Variants in BRMS1L observed in about 807,000 individuals in gnomAD.
BRMS1L encodes breast cancer metastasis-suppressor 1-like protein.
BRMS1L carries 23 observed loss-of-function variants against 50.3 expected under a neutral mutation model. That is an observed-to-expected ratio of 0.46 (90% CI 0.33 to 0.65). BRMS1L has a LOEUF of 0.65. Among genes scored for constraint, BRMS1L ranks in the 30% least tolerant of loss-of-function variants. The pLI is 0.02. For missense variants in BRMS1L, 286 were observed against 386.1 expected, an observed-to-expected ratio of 0.74 and a Z score of 2.17; for synonymous variants, 114 against 126.9, an observed-to-expected ratio of 0.90 and a Z score of 0.69.
intron 9 of BRMS1L, among the ~76,000 whole-genome samples, chr14:35,870,056 G>T (rs2078469849): frequency 7.3e-6 from 1 of 136,364 alleles, no homozygotes; most frequent in African/African-American, 2.7e-5. Context: ...TTTAGCTCCA[G>T]TTTTTTTTTT....
At chr14:35,838,281 C>G (rs1191203640) in intron 4 of BRMS1L, among the ~76,000 whole-genome samples, 1 of 152,138 alleles carries the variant, frequency 6.6e-6, no homozygotes, top group Non-Finnish European at 1.5e-5. Flanking sequence ...CATTGATAGA[C>G]ATTTGGGTTG....
intron 4 of BRMS1L, among the ~76,000 whole-genome samples, chr14:35,835,733 T>A (rs2077983404): frequency 6.6e-6 from 1 of 152,116 alleles, no homozygotes; most frequent in African/African-American, 2.4e-5. Flanking sequence ...TAGTCCTAGC[T>A]ACTCAGGAGG....
At chr14:35,834,257 A>G (rs946936657) in intron 3 of BRMS1L, among the ~76,000 whole-genome samples, 1 of 152,106 alleles carries the variant, frequency 6.6e-6, no homozygotes, top group African/African-American at 2.4e-5. Flanking sequence ...CATGTTACCT[A>G]TTTTATACTA....
rs1169023 is a variant in BRMS1L, at chr14:35,826,808, T to A, written c.142+150T>A. On this transcript the variant is annotated intron_variant, in intron 1 of 9. Transcript: ENST00000216807. ...TGGCTCTGGGCCCTGGGCTGCACCC[T>A]GACCGGTCGCTGGGCGCTGTCTGGC... 6.0e-6 allele frequency: 7 copies of A among 1,163,682 alleles called. No individual in the cohort carries two copies. The South Asian group carries it at 9.8e-5, about 16-fold the overall frequency. 72.1% of individuals were successfully genotyped at this position (1,163,682 alleles called of 1,614,324 possible).
In BRMS1L at chr14:35,847,223, C is replaced by T. The variant is rs2078147373; in HGVS notation, c.441+12300C>T. On this transcript the variant is annotated intron_variant, in intron 4 of 9. Coordinates refer to ENST00000216807, the MANE Select transcript of BRMS1L (RefSeq NM_032352.4). ...CGAACTCCTGGGCTCAAGCGATCTG[C>T]CACCTTGGCCTCCCAAAGTCCTCAA... Among the ~76,000 whole-genome samples the T allele has an allele frequency of 3.3e-5, 5 of 152,272 alleles. No individual in the cohort carries two copies. In the South Asian group the frequency reaches 1.0e-3, roughly 32 times the overall value.
chr14:35,854,542 C>T (rs180811573), intron 4 of BRMS1L, among the ~76,000 whole-genome samples: 56 of 152,168 alleles, frequency 3.7e-4, no homozygotes, highest in African/African-American at 1.3e-3. Context: ...TTTGTGAACT[C>T]GTATTTTCCT....
intron 4 of BRMS1L, among the ~76,000 whole-genome samples, chr14:35,860,730 A>G (rs2078339580): frequency 6.6e-6 from 1 of 152,306 alleles, no homozygotes; most frequent in Non-Finnish European, 1.5e-5. Flanking sequence ...TTGGTTCTGA[A>G]TACAGGTCAG....
chr14:35,841,263 A>G (rs1595664533), intron 4 of BRMS1L, among the ~76,000 whole-genome samples: 1 of 152,024 alleles, frequency 6.6e-6, no homozygotes, highest in East Asian at 1.9e-4. Context: ...TTTACTTCCA[A>G]TTATGTGGTC....
chr14:35,840,633 C>T (rs2078051332), intron 4 of BRMS1L, among the ~76,000 whole-genome samples: 1 of 152,154 alleles, frequency 6.6e-6, no homozygotes, highest in Non-Finnish European at 1.5e-5. Flanking sequence ...TCCATTTCTT[C>T]TAGATTTTCT....
At chr14:35,867,595 T>C (rs796123397) in intron 8 of BRMS1L, among the ~76,000 whole-genome samples, 5 of 152,366 alleles carry the variant, frequency 3.3e-5, no homozygotes, top group African/African-American at 9.6e-5. Flanking sequence ...GCAATTGATA[T>C]TTTAAATACT....
intron 1 of BRMS1L, chr14:35,829,917 A>G (rs2077896022): frequency 1.6e-5 from 16 of 1,002,982 alleles, no homozygotes; most frequent in Non-Finnish European, 2.0e-5. Flanking sequence ...GGTAATTAAC[A>G]GTTGCTTTCC....
chr14:35,841,463 A>G (rs937036331), intron 4 of BRMS1L, among the ~76,000 whole-genome samples: 2 of 151,814 alleles, frequency 1.3e-5, no homozygotes. Context: ...CACGCCAGCT[A>G]ATCTTTTGTA....
At chr14:35,852,241 C>G (rs919369288) in intron 4 of BRMS1L, among the ~76,000 whole-genome samples, 2 of 152,206 alleles carry the variant, frequency 1.3e-5, no homozygotes, top group African/African-American at 4.8e-5. Context: ...ATGTCTTGCT[C>G]TATCACTTAG....
intron 9 of BRMS1L, 93 bp downstream of exon 9, chr14:35,868,125 T>C (rs2078444925): frequency 2.3e-6 from 3 of 1,288,084 alleles, no homozygotes; most frequent in Non-Finnish European, 3.1e-6. Context: ...AGTGTGCCTA[T>C]ATCATTAGTT....
chr14:35,856,541 A>G (rs111275943), intron 4 of BRMS1L, among the ~76,000 whole-genome samples: 4,529 of 152,016 alleles, frequency 0.03, 183 homozygotes, highest in African/African-American at 0.087. Context: ...AAATAAGTCT[A>G]AAGAAAGATA....
intron 1 of BRMS1L, among the ~76,000 whole-genome samples, chr14:35,828,031 G>A (rs1181984968): frequency 6.6e-6 from 1 of 152,184 alleles, no homozygotes; most frequent in Non-Finnish European, 1.5e-5. Context: ...CACAAAACAG[G>A]ATTGATGAAT....
Position 35,834,963 on chromosome 14 carries a change from C to G in BRMS1L, c.441+40C>G, listed in dbSNP as rs369627912. 6.8e-5 allele frequency: 101 copies of G among 1,495,896 alleles called. 1 individual carries two copies. In the South Asian group the frequency reaches 1.0e-3, roughly 15 times the overall value. The allele number at this position is 1,495,896 out of a possible 1,614,324, so 92.7% of individuals were successfully genotyped here. A position where few individuals can be genotyped will look rare whatever the true frequency, so the allele number is the denominator to read the frequency against. On this transcript the variant is annotated intron_variant, in intron 4 of 9. Coordinates refer to ENST00000216807, the MANE Select transcript of BRMS1L (RefSeq NM_032352.4). ...CATAACTTTTAAGCTAATTTCATCT[C>G]TTCAAGCCTTTTCTGAGTGTAGTAG...
At chr14:35,857,120 A>C (rs1043739807) in intron 4 of BRMS1L, among the ~76,000 whole-genome samples, 1 of 151,780 alleles carries the variant, frequency 6.6e-6, no homozygotes, top group Non-Finnish European at 1.5e-5. Context: ...ACTTGCCTGT[A>C]ATCCCAGCTA....
rs565587483 is a variant in BRMS1L at position 35,846,667 on chromosome 14, T to A, written c.441+11744T>A. ...ATGCTGTGTTCTTCTCATTTAATTC[T>A]GTCAAGCAGTACACAGTTTTGATAT... is the stretch of plus-strand genomic sequence containing the variant. On this transcript the variant is annotated intron_variant, in intron 4 of 9. Coordinates refer to ENST00000216807, the MANE Select transcript of BRMS1L (RefSeq NM_032352.4). Among the ~76,000 whole-genome samples, 207 of 152,352 alleles carry A rather than the reference T, an allele frequency of 1.4e-3. 1 individual carries two copies. Among genetic ancestry groups the A allele is most frequent in the Non-Finnish European group, 1.2e-3 (85 of 68,040 alleles).
Sources: gnomAD v4.1 joint callset for allele counts (sites outside exome capture counted in the v4.1 genomes callset) on GRCh38, gnomAD v4.1.1 for gene constraint, MANE v1.5 for transcripts, NCBI Gene and HGNC (gene_info 2026-07-23, HGNC 2026-07-21) for gene names.